Variants in CTNNA3 observed in about 807,000 individuals in gnomAD.
The protein encoded by CTNNA3 is catenin alpha 3.
CTNNA3 carries 76 observed loss-of-function variants against 95.7 expected under a neutral mutation model. The observed-to-expected ratio is 0.79, with a 90% confidence interval of 0.66 to 0.96. The LOEUF is 0.96. Ranked by LOEUF, CTNNA3 falls within the 40% of genes least tolerant of loss-of-function variation. The pLI, the probability that CTNNA3 is intolerant of heterozygous loss-of-function variation, is 0.00. For synonymous variants in CTNNA3, 431 were observed against 374.4 expected (o/e 1.15, Z -1.74); for missense variants, 1,191 against 1,089.8 (o/e 1.09, Z -1.31).
At chr10:67,482,775 C>T (rs1848285902) in intron 5 of CTNNA3, among the ~76,000 whole-genome samples, 1 of 152,232 alleles carries the variant, frequency 6.6e-6, no homozygotes, top group East Asian at 1.9e-4. Flanking sequence ...GCCAGAATTT[C>T]CAACACTATA....
chr10:66,300,515 T>C (rs970949924), intron 12 of CTNNA3, among the ~76,000 whole-genome samples: 1 of 151,956 alleles, frequency 6.6e-6, no homozygotes, highest in Non-Finnish European at 1.5e-5. Context: ...AAACAAGTGA[T>C]TGAAGTTAAT....
chr10:67,033,358 T>C (rs1389862461), intron 7 of CTNNA3, among the ~76,000 whole-genome samples: 3 of 152,166 alleles, frequency 2.0e-5, no homozygotes, highest in Non-Finnish European at 4.4e-5. Flanking sequence ...ATAGCACAGT[T>C]ATGCAACACA....
At chr10:67,089,635 C>T (rs1480056711) in intron 7 of CTNNA3, among the ~76,000 whole-genome samples, 1 of 151,590 alleles carries the variant, frequency 6.6e-6, no homozygotes, top group African/African-American at 2.4e-5. Flanking sequence ...AAAAAGATGG[C>T]TACCTCATTT....
intron 9 of CTNNA3, among the ~76,000 whole-genome samples, chr10:66,683,322 C>A (rs1847133146): frequency 6.6e-6 from 1 of 152,100 alleles, no homozygotes; most frequent in Non-Finnish European, 1.5e-5. Flanking sequence ...AAAATGTTCA[C>A]CTTTGAGGAA....
intron 2 of CTNNA3, among the ~76,000 whole-genome samples, chr10:67,632,611 A>G (rs1839181420): frequency 6.6e-6 from 1 of 152,114 alleles, no homozygotes; most frequent in South Asian, 2.1e-4. Context: ...TGAGCCAAGT[A>G]AAGCAGTAAG....
At chr10:66,048,535 C>A (rs573213708) in intron 15 of CTNNA3, among the ~76,000 whole-genome samples, 1 of 152,038 alleles carries the variant, frequency 6.6e-6, no homozygotes, top group East Asian at 1.9e-4. Flanking sequence ...CTGAGACGGG[C>A]GGATCACGAG....
chr10:66,614,429 C>A (rs898679656), intron 10 of CTNNA3, among the ~76,000 whole-genome samples: 6 of 152,012 alleles, frequency 3.9e-5, no homozygotes, highest in African/African-American at 1.4e-4. Flanking sequence ...TTCCTATCCT[C>A]ATGGAGTTTA....
chr10:66,912,481 A>T (rs1846263846), intron 7 of CTNNA3, among the ~76,000 whole-genome samples: 1 of 152,280 alleles, frequency 6.6e-6, no homozygotes, highest in Non-Finnish European at 1.5e-5. Flanking sequence ...TAGAAGAAAC[A>T]TTGGGCTCAG....
At chr10:66,061,767 C>A (rs1462923320) in intron 15 of CTNNA3, among the ~76,000 whole-genome samples, 1 of 152,114 alleles carries the variant, frequency 6.6e-6, no homozygotes, top group Non-Finnish European at 1.5e-5. Context: ...CTCAACCCCA[C>A]ACCTCATTCA....
At chr10:66,427,223 T>A (rs564963954) in intron 11 of CTNNA3, among the ~76,000 whole-genome samples, 12 of 152,152 alleles carry the variant, frequency 7.9e-5, no homozygotes, top group African/African-American at 2.6e-4. Context: ...AAGCAAAAAC[T>A]CCACATTGGA....
intron 13 of CTNNA3, among the ~76,000 whole-genome samples, chr10:66,147,855 A>G (rs2083982096): frequency 6.6e-6 from 1 of 151,360 alleles, no homozygotes; most frequent in South Asian, 2.1e-4. Context: ...ATATGCTTAT[A>G]AAAGTATGTA....
chr10:66,113,974 G>T (rs1006191747), intron 13 of CTNNA3, among the ~76,000 whole-genome samples: 26 of 151,920 alleles, frequency 1.7e-4, no homozygotes, highest in Non-Finnish European at 3.1e-4. Flanking sequence ...GAGCAGTAGT[G>T]GGGGGAATGC....
chr10:66,995,867 T>A (rs117271984), intron 7 of CTNNA3, among the ~76,000 whole-genome samples: 628 of 152,340 alleles, frequency 4.1e-3, no homozygotes, highest in Non-Finnish European at 7.3e-3. Context: ...CACTTCCATC[T>A]TTGTTTCATA....
At chr10:66,065,123 G>T (rs947427014) in intron 15 of CTNNA3, among the ~76,000 whole-genome samples, 8 of 152,104 alleles carry the variant, frequency 5.3e-5, no homozygotes, top group Non-Finnish European at 7.4e-5. Context: ...ACTAGTTGGG[G>T]AAAGTCTTTA....
At chr10:67,725,020 A>G (rs1564840581) in intron 1 of CTNNA3, among the ~76,000 whole-genome samples, 2 of 152,146 alleles carry the variant, frequency 1.3e-5, no homozygotes, top group African/African-American at 2.4e-5. Flanking sequence ...TTTATAATTT[A>G]TAAAATTATA....
At chr10:67,373,957 A>C (rs928699475) in intron 5 of CTNNA3, among the ~76,000 whole-genome samples, 2 of 152,174 alleles carry the variant, frequency 1.3e-5, no homozygotes, top group Non-Finnish European at 2.9e-5. Context: ...ACTTAGTTGT[A>C]ATGTTTAATG....
At position 66,866,411 on chromosome 10, in the gene CTNNA3, T is replaced by A. The variant is rs555510082; in HGVS notation, c.1048-90887A>T. Among the ~76,000 whole-genome samples, 12 of 152,352 alleles carry A rather than the reference T, an allele frequency of 7.9e-5. No individual in the cohort carries two copies. The South Asian group carries it at 2.3e-3, about 29-fold the overall frequency. On this transcript the variant is annotated intron_variant, in intron 7 of 17. Coordinates refer to ENST00000433211, the MANE Select transcript of CTNNA3 (RefSeq NM_013266.4). Reference sequence around the variant, plus strand: ...GTTGCCTACGCATCATCATAATTGCTCAACATCTAGCTTTTTGGAGGCTTT... The same window carrying A: ...GTTGCCTACGCATCATCATAATTGCACAACATCTAGCTTTTTGGAGGCTTT...
chr10:66,443,991 A>T (rs2093396928), intron 11 of CTNNA3, among the ~76,000 whole-genome samples: 1 of 152,130 alleles, frequency 6.6e-6, no homozygotes, highest in African/African-American at 2.4e-5. Flanking sequence ...GAGCTGATGG[A>T]GTTGAAAGCC....
chr10:66,847,579 T>C (rs1843327481), intron 7 of CTNNA3, among the ~76,000 whole-genome samples: 1 of 152,216 alleles, frequency 6.6e-6, no homozygotes. Flanking sequence ...ATTAAAATAA[T>C]ACTCATCTCA....
Sources: gnomAD v4.1 joint callset for allele counts (sites outside exome capture counted in the v4.1 genomes callset) on GRCh38, gnomAD v4.1.1 for gene constraint, MANE v1.5 for transcripts, NCBI Gene and HGNC (gene_info 2026-07-23, HGNC 2026-07-21) for gene names.